NXPE2: variants seen among roughly 807,000 people sequenced by gnomAD.
NXPE2 encodes the protein NXPE family member 2.
Under a neutral mutation model 34.4 loss-of-function variants are expected in NXPE2, and 34 were observed. The observed-to-expected ratio is 0.99, with a 90% CI of 0.75 to 1.31. NXPE2 has a LOEUF of 1.31. Among genes scored for constraint, NXPE2 ranks in the 40% most tolerant of loss-of-function variants. NXPE2 has a pLI of 0.00. For synonymous variants in NXPE2, 235 were observed against 231.3 expected (o/e 1.02, Z -0.15); for missense variants, 649 against 672.5 (o/e 0.97, Z 0.39).
the NXPE2 span, among the ~76,000 whole-genome samples, chr11:114,559,158 A>G: frequency 6.6e-6 from 1 of 152,218 alleles, no homozygotes; most frequent in Non-Finnish European, 1.5e-5. Context: ...ACTCAAAGAC[A>G]AAAATTAAAA....
chr11:114,788,893 AT>A, the NXPE2 span, among the ~76,000 whole-genome samples: 51 of 152,268 alleles, frequency 3.3e-4, 1 homozygote, highest in South Asian at 1.4e-3. Flanking sequence ...GGGACCTTCT[AT>A]TTTTACACCA....
the NXPE2 span, among the ~76,000 whole-genome samples, chr11:114,507,292 G>A: frequency 0.016 from 2,333 of 148,858 alleles, 44 homozygotes; most frequent in African/African-American, 0.052. Flanking sequence ...CAGATTCATC[G>A]GTGAATTCTA....
the NXPE2 span, among the ~76,000 whole-genome samples, chr11:114,603,365 G>A: frequency 1.1e-3 from 163 of 151,216 alleles, no homozygotes; most frequent in African/African-American, 3.8e-3. Flanking sequence ...ATTACCTGAC[G>A]GATGATAAGT....
At chr11:114,661,126 G>A in the NXPE2 span, among the ~76,000 whole-genome samples, 2 of 152,094 alleles carry the variant, frequency 1.3e-5, no homozygotes, top group East Asian at 1.9e-4. Flanking sequence ...AAATAAATGG[G>A]CTCTGTTTGT....
the NXPE2 span, among the ~76,000 whole-genome samples, chr11:114,738,019 G>A: frequency 9.2e-5 from 14 of 152,204 alleles, no homozygotes; most frequent in African/African-American, 2.6e-4. Flanking sequence ...CCCGGGGGGC[G>A]GAGGCTGCGG....
the NXPE2 span, chr11:114,580,275 T>G: frequency 3.7e-6 from 6 of 1,613,976 alleles, no homozygotes; most frequent in East Asian, 2.2e-5. Flanking sequence ...TCTCCAGACA[T>G]GCCCACTGGG....
the NXPE2 span, chr11:114,571,392 T>C: frequency 1.2e-6 from 2 of 1,613,956 alleles, no homozygotes; most frequent in Non-Finnish European, 1.7e-6. Flanking sequence ...TTTTTGCCAC[T>C]GGATGTTGAT....
the NXPE2 span, among the ~76,000 whole-genome samples, chr11:114,615,055 G>A: frequency 6.6e-6 from 1 of 151,874 alleles, no homozygotes; most frequent in Non-Finnish European, 1.5e-5. Context: ...AATAAGTGTT[G>A]CCTCGTGGGT....
At chr11:114,612,391 A>G in the NXPE2 span, among the ~76,000 whole-genome samples, 3 of 151,232 alleles carry the variant, frequency 2.0e-5, no homozygotes, top group African/African-American at 4.9e-5. Context: ...GTATTGCCTC[A>G]TGTCTAACCA....
chr11:114,657,127 G>A, the NXPE2 span, among the ~76,000 whole-genome samples: 1 of 152,078 alleles, frequency 6.6e-6, no homozygotes, highest in Non-Finnish European at 1.5e-5. Flanking sequence ...ATTACTTTTA[G>A]TTCCGGATTG....
Position 114,702,071 on chromosome 11 carries a change from A to G in NXPE2, c.867-1920A>G, listed in dbSNP as rs181258980. Among the ~76,000 whole-genome samples, 227 of 152,252 alleles carry G rather than the reference A, an allele frequency of 1.5e-3. 1 individual carries two copies. The highest frequency in any genetic ancestry group is 4.0e-3 in the Admixed American group (61 of 15,296). On this transcript the variant is annotated intron_variant, in intron 3 of 5. Transcript: ENST00000389586. ...AGAAATGTTACTTCCTAGGATATTT[A>G]TTTCTTCAAATTAAAAAAGTCTTCT...
chr11:114,580,380 A>G, the NXPE2 span: 1 of 1,556,062 alleles, frequency 6.4e-7, no homozygotes, highest in South Asian at 1.1e-5. Context: ...AAAACATCAA[A>G]TTACCCGTCA....
chr11:114,708,300 G>A (rs750490797), downstream of NXPE2, among the ~76,000 whole-genome samples: 1 of 152,040 alleles, frequency 6.6e-6, no homozygotes, highest in Non-Finnish European at 1.5e-5. Context: ...TTATGTTAAC[G>A]TACAGACCCC....
chr11:114,801,337 G>A, the NXPE2 span, among the ~76,000 whole-genome samples: 1 of 152,162 alleles, frequency 6.6e-6, no homozygotes, highest in East Asian at 1.9e-4. Context: ...CAAACATTCT[G>A]GGCAGAGATG....
At chr11:114,540,031 A>C in the NXPE2 span, among the ~76,000 whole-genome samples, 1 of 152,202 alleles carries the variant, frequency 6.6e-6, no homozygotes, top group East Asian at 1.9e-4. Context: ...CACATCAGTA[A>C]GTATTTCTTA....
chr11:114,694,161 A>T (rs1041206384), intron 2 of NXPE2, among the ~76,000 whole-genome samples: 2 of 152,218 alleles, frequency 1.3e-5, no homozygotes, highest in African/African-American at 2.4e-5. Flanking sequence ...AAAAACTCTC[A>T]TGATTACATT....
At chr11:114,633,561 C>G in the NXPE2 span, among the ~76,000 whole-genome samples, 1 of 151,364 alleles carries the variant, frequency 6.6e-6, no homozygotes, top group Non-Finnish European at 1.5e-5. Flanking sequence ...GTGCTGCACC[C>G]ATTGACTCGT....
At chr11:114,700,887 G>A (rs775514831) in intron 3 of NXPE2, among the ~76,000 whole-genome samples, 11 of 151,970 alleles carry the variant, frequency 7.2e-5, no homozygotes, top group South Asian at 2.1e-4. Context: ...GCCATAGAAA[G>A]GCTTTAGTTT....
chr11:114,567,970 T>C, the NXPE2 span, among the ~76,000 whole-genome samples: 1 of 152,130 alleles, frequency 6.6e-6, no homozygotes, highest in Non-Finnish European at 1.5e-5. Flanking sequence ...TCGATATATA[T>C]ATATACTGGC....
Sources: allele counts gnomAD v4.1 joint callset (sites outside exome capture counted in the v4.1 genomes callset), GRCh38; gene constraint gnomAD v4.1.1; transcripts MANE v1.5; gene names NCBI Gene and HGNC (gene_info 2026-07-23, HGNC 2026-07-21).